The following SLC9A2 variants were observed in gnomAD, a reference collection of about 807,000 sequenced individuals.
The protein encoded by SLC9A2 is solute carrier family 9 member A2.
A neutral mutation model predicts 71.7 loss-of-function variants in SLC9A2; 42 were observed. The observed-to-expected ratio is 0.59, with a 90% confidence interval of 0.46 to 0.76. SLC9A2 has a LOEUF of 0.76. SLC9A2 is among the 30% of genes least tolerant of loss of function. The probability of loss-of-function intolerance (pLI) is 0.00; values close to 1 mark genes in which losing one functional copy is unlikely to be tolerated. For missense variants in SLC9A2, 829 were observed against 1,017.4 expected, an observed-to-expected ratio of 0.81 and a Z score of 2.52; for synonymous variants, 396 against 392.5, an observed-to-expected ratio of 1.01 and a Z score of -0.10.
At chr2:102,695,718 A>G (rs1260899648) in intron 7 of SLC9A2, among the ~76,000 whole-genome samples, 1 of 144,854 alleles carries the variant, frequency 6.9e-6, no homozygotes, top group Non-Finnish European at 1.5e-5. Context: ...GCAGAGATTC[A>G]GACCATCTAA....
chr2:102,621,046 A>G (rs1333010981), intron 1 of SLC9A2, among the ~76,000 whole-genome samples: 1 of 151,362 alleles, frequency 6.6e-6, no homozygotes, highest in Non-Finnish European at 1.5e-5. Context: ...AATCCCAGCT[A>G]CTCGGGAGGC....
chr2:102,705,791 T>C (rs988526209), intron 10 of SLC9A2, 55 bp from the exon 11 acceptor site: 15 of 1,056,586 alleles, frequency 1.4e-5, no homozygotes, highest in African/African-American at 3.3e-5. Flanking sequence ...TAATCTTTAA[T>C]ATACAATAAG....
intron 1 of SLC9A2, among the ~76,000 whole-genome samples, chr2:102,632,679 C>T (rs182897998): frequency 6.6e-6 from 1 of 152,086 alleles, no homozygotes; most frequent in Admixed American, 6.6e-5. Flanking sequence ...CTGTGACACA[C>T]ATACTTTCCA....
intron 1 of SLC9A2, among the ~76,000 whole-genome samples, chr2:102,640,433 T>C (rs1676553336): frequency 6.6e-6 from 1 of 152,080 alleles, no homozygotes; most frequent in Admixed American, 6.5e-5. Context: ...TCCTGGGCCT[T>C]CCCATACTTT....
chr2:102,628,849 G>GT (rs1676303590), intron 1 of SLC9A2, among the ~76,000 whole-genome samples: 1 of 151,972 alleles, frequency 6.6e-6, no homozygotes. Context: ...ATGCCCAGTT[G>GT]TTTTTTATTT....
At chr2:102,704,249 G>T (rs1313286453) in intron 9 of SLC9A2, among the ~76,000 whole-genome samples, 1 of 152,072 alleles carries the variant, frequency 6.6e-6, no homozygotes, top group African/African-American at 2.4e-5. Context: ...GGAGTTGGAG[G>T]CTGCAGTGAG....
At chr2:102,694,958 T>G (rs1573432519) in intron 6 of SLC9A2, 85 bp from the exon 7 acceptor site, 1 of 1,127,718 alleles carries the variant, frequency 8.9e-7, no homozygotes, top group Admixed American at 2.0e-5. Context: ...ATGAAGGTCT[T>G]TGGAGTTTAG....
rs541687887 is a variant in SLC9A2 at position 102,699,462 on chromosome 2, C to T, written c.1587-1608C>T. Among the ~76,000 whole-genome samples the T allele has an allele frequency of 2.9e-4, 44 of 152,186 alleles. 1 individual carries two copies. Among genetic ancestry groups the T allele is most frequent in the Admixed American group, 1.3e-3 (20 of 15,282 alleles). On this transcript the variant is annotated intron_variant, in intron 7 of 11. Transcript: ENST00000233969. ...GTTACATCATTAGACATATTTTTAACGGGAGCACTTGGGCTTCTGTAGGAA... is the reference window on the plus strand; with the variant it reads ...GTTACATCATTAGACATATTTTTAATGGGAGCACTTGGGCTTCTGTAGGAA...
chr2:102,648,600 C>T (rs1676772276), intron 1 of SLC9A2, among the ~76,000 whole-genome samples: 1 of 151,962 alleles, frequency 6.6e-6, no homozygotes, highest in Non-Finnish European at 1.5e-5. Flanking sequence ...AATCCCCATC[C>T]CCTCAACCCA....
chr2:102,697,678 A>T (rs544095849), intron 7 of SLC9A2, among the ~76,000 whole-genome samples: 3 of 145,516 alleles, frequency 2.1e-5, no homozygotes, highest in South Asian at 2.4e-4. Flanking sequence ...AGAGCAGGGA[A>T]GTGGGTGCGG....
At chr2:102,665,073 G>A (rs1415208767) in intron 2 of SLC9A2, 27 bp from the exon 3 acceptor site, 1 of 1,595,258 alleles carries the variant, frequency 6.3e-7, no homozygotes. Context: ...AAAGGGTCTT[G>A]ACAAGGTGTT....
intron 1 of SLC9A2, among the ~76,000 whole-genome samples, chr2:102,645,172 C>T (rs747267971): frequency 2.0e-5 from 3 of 152,188 alleles, no homozygotes; most frequent in Non-Finnish European, 2.9e-5. Flanking sequence ...CTGGAGTGGA[C>T]CTCCAGCAAA....
chr2:102,639,076 C>T (rs1676523958), intron 1 of SLC9A2, among the ~76,000 whole-genome samples: 1 of 152,168 alleles, frequency 6.6e-6, no homozygotes. Context: ...CCTAATTACT[C>T]AGGAGGCTGA....
At chr2:102,676,776 C>T (rs557304320) in intron 3 of SLC9A2, among the ~76,000 whole-genome samples, 2 of 152,336 alleles carry the variant, frequency 1.3e-5, no homozygotes, top group African/African-American at 2.4e-5. Context: ...CCCAGAGTCA[C>T]CACAAGACCT....
At chr2:102,651,252 T>A (rs765504232) in intron 1 of SLC9A2, among the ~76,000 whole-genome samples, 17 of 152,146 alleles carry the variant, frequency 1.1e-4, no homozygotes, top group Non-Finnish European at 2.1e-4. Flanking sequence ...GGCAGCAGTG[T>A]TTTCAACGGT....
chr2:102,648,104 G>T (rs954050805), intron 1 of SLC9A2, among the ~76,000 whole-genome samples: 4 of 152,134 alleles, frequency 2.6e-5, no homozygotes, highest in African/African-American at 9.7e-5. Flanking sequence ...TAAAATACTT[G>T]CAAACTGAAT....
Position 102,619,989 on chromosome 2 carries a change from C to T in SLC9A2, c.141C>T (p.Ser47=). The T allele has an allele frequency of 6.2e-7, 1 of 1,613,962 alleles. No individual in the cohort carries two copies. Among genetic ancestry groups the T allele is most frequent in the South Asian group, 1.1e-5 (1 of 91,052 alleles). ...LNAPRAMGTS[S]SPPSPASVVA... ...CGCCGAGGGCCATGGGCACCAGTTC[C>T]AGCCCGCCTAGCCCTGCGAGCGTGG... The change falls in exon 1 of 12, where the codon TCC becomes TCT. Residue 47 remains serine, a synonymous_variant. Transcript: ENST00000233969. This position sits in a 1 kb window ranked among gnomAD's most constrained non-coding sequence, Gnocchi z 4.3.
Position 102,619,749 on chromosome 2 carries a change from T to C in SLC9A2, c.-100T>C. 3 of 1,159,284 alleles carry C rather than the reference T, an allele frequency of 2.6e-6. No homozygotes were observed. Among genetic ancestry groups the C allele is most frequent in the Non-Finnish European group, 3.5e-6 (3 of 869,094 alleles). 71.8% of individuals were successfully genotyped at this position (1,159,284 alleles called of 1,614,324 possible). ...GCGGGTGGCTGTCGCTGCCCTGCCC[T>C]GCACGGGGCAGGGCGGAGCGGGCTG... On this transcript the variant is annotated 5_prime_UTR_variant, in exon 1 of 12. Transcript: ENST00000233969. The surrounding 1 kb of genome is among the most constrained non-coding windows in gnomAD (Gnocchi z 4.3).
intron 1 of SLC9A2, among the ~76,000 whole-genome samples, chr2:102,629,785 C>G (rs897881960): frequency 3.3e-5 from 5 of 152,082 alleles, no homozygotes; most frequent in Admixed American, 3.3e-4. Flanking sequence ...ACCATGGCTG[C>G]TCACATCTCA....
Sources: gnomAD v4.1 joint callset for allele counts (sites outside exome capture counted in the v4.1 genomes callset) on GRCh38, gnomAD v4.1.1 for gene constraint, Gnocchi (gnomAD v3.1) non-coding constraint, MANE v1.5 for transcripts, NCBI Gene and HGNC (gene_info 2026-07-23, HGNC 2026-07-21) for gene names.